Variants in PRRT4 observed in about 807,000 individuals in gnomAD.
The protein encoded by PRRT4 is proline-rich transmembrane protein 4.
Under a neutral mutation model 55.6 loss-of-function variants are expected in PRRT4, and 59 were observed. The observed-to-expected ratio is 1.06, with a 90% CI of 0.86 to 1.32. The LOEUF is 1.32. PRRT4 is among the 40% of genes most tolerant of loss of function. The pLI is 0.00. For synonymous variants in PRRT4, 606 were observed against 601.8 expected (o/e 1.01, Z -0.10); for missense variants, 1,217 against 1,222.0 (o/e 1.00, Z 0.06).
Position 128,358,514 on chromosome 7 carries a change from A to T in PRRT4, c.877+167T>A, listed in dbSNP as rs947975688. 1.3e-5 allele frequency among the ~76,000 whole-genome samples: 2 copies of T among 152,212 alleles called. No individual in the cohort carries two copies. Among genetic ancestry groups the T allele is most frequent in the Admixed American group, 1.3e-4 (2 of 15,280 alleles). On this transcript the variant is annotated intron_variant, in intron 4 of 4. Transcript: ENST00000535159. This position sits in a 1 kb window ranked among gnomAD's most constrained non-coding sequence, Gnocchi z 4.4. The stretch of plus-strand genomic sequence containing the variant: ...TCTGTGTGGGACTTTCTCCAGCAAT[A>T]CTTTCTCTCAGACCATTCATATATA...
At position 128,359,259 on chromosome 7, in the gene PRRT4, A is replaced by C; in HGVS notation, c.653-6T>G. 9 of 1,549,130 alleles carry C rather than the reference A, an allele frequency of 5.8e-6. No individual in the cohort carries two copies. Among genetic ancestry groups the C allele is most frequent in the Non-Finnish European group, 7.9e-6 (9 of 1,146,048 alleles). On this transcript the variant is annotated splice_polypyrimidine_tract_variant and splice_region_variant and intron_variant, in intron 2 of 4. Transcript: ENST00000535159. ...CAGAGTAGTGCCAAAGAATCCTGCAAAAGAAGCCCAGGCTGAAGCTGCCTC... is the reference window on the plus strand; with the variant it reads ...CAGAGTAGTGCCAAAGAATCCTGCACAAGAAGCCCAGGCTGAAGCTGCCTC...
chr7:128,353,916 A>G (rs180796748), intron 4 of PRRT4, among the ~76,000 whole-genome samples: 3 of 151,968 alleles, frequency 2.0e-5, no homozygotes, highest in East Asian at 3.9e-4. Context: ...CCTTAATTCT[A>G]CTCTTCTGGA....
At chr7:128,354,071 G>T (rs1402393061) in intron 4 of PRRT4, among the ~76,000 whole-genome samples, 3 of 152,198 alleles carry the variant, frequency 2.0e-5, no homozygotes, top group African/African-American at 7.2e-5. Flanking sequence ...GAAGAAGAAA[G>T]GGTGGCGAAG....
chr7:128,359,949 C>G lies in PRRT4; in HGVS notation c.43G>C (p.Val15Leu), dbSNP rs375091041. The change falls in exon 2 of 5, where the codon GTC (valine) becomes CTC (leucine). Residue 15 changes from valine to leucine, a missense_variant. By Grantham distance (32) the Val-to-Leu change is conservative (BLOSUM62 1). Around this residue, in one of 3 missense-constraint regions of PRRT4, gnomAD observed 564 missense variants for 592.9 expected, o/e 0.95. Transcript: ENST00000535159. ...GGGCCCACAGTAGCAGCAAACAGGA[C>G]GCAGCAGAACAGTCCCAGCCCTAGA... 3.5e-6 allele frequency: 5 copies of G among 1,439,542 alleles called. No individual in the cohort carries two copies. The South Asian group carries it at 7.6e-5, about 22-fold the overall frequency. 89.2% of individuals were successfully genotyped at this position (1,439,542 alleles called of 1,614,324 possible). A position where few individuals can be genotyped will look rare whatever the true frequency, so the allele number is the denominator to read the frequency against.
intron 4 of PRRT4, among the ~76,000 whole-genome samples, chr7:128,355,110 A>G (rs1271361928): frequency 6.6e-6 from 1 of 152,244 alleles, no homozygotes; most frequent in African/African-American, 2.4e-5. Context: ...ACTTGCGTAG[A>G]AAGACAACGA....
Position 128,352,519 on chromosome 7 carries a change from AG to A in PRRT4, c.1036del (p.Leu346Ter). 1 of 1,543,424 alleles carries A rather than the reference AG, an allele frequency of 6.5e-7. No individual in the cohort carries two copies. Among genetic ancestry groups the A allele is most frequent in the South Asian group, 1.2e-5 (1 of 84,058 alleles). On this transcript the variant is annotated frameshift_variant, in exon 5 of 5. Transcript: ENST00000535159. LOFTEE classifies it high-confidence loss of function. ...CTCTGCCCAGTCGGCCTCCAGGGTCAGGAAAAAGAGGGGCCTCGGCGCCTCG... is the reference window on the plus strand; with the variant it reads ...CTCTGCCCAGTCGGCCTCCAGGGTCAGAAAAAGAGGGGCCTCGGCGCCTCG...
chr7:128,359,983 C>G, exon 2 of PRRT4: 3 of 1,321,418 alleles, frequency 2.3e-6, no homozygotes, highest in Non-Finnish European at 2.9e-6. Flanking sequence ...GACAGCCATG[C>G]CTGGCCATGG....
chr7:128,354,529 A>AC (rs1246977076), intron 4 of PRRT4, among the ~76,000 whole-genome samples: 1 of 151,580 alleles, frequency 6.6e-6, no homozygotes, highest in Non-Finnish European at 1.5e-5. Context: ...GCGCCTCTGC[A>AC]CTCCAGCCTG....
At chr7:128,354,219 G>A (rs575500848) in intron 4 of PRRT4, among the ~76,000 whole-genome samples, 49 of 152,274 alleles carry the variant, frequency 3.2e-4, no homozygotes, top group African/African-American at 1.2e-3. Flanking sequence ...AAGACCCCAG[G>A]AGCACCCCCA....
rs1327463860 is a variant in PRRT4, at chr7:128,359,464, C to T, written c.528G>A (p.Leu176=). 2.7e-6 allele frequency: 4 copies of T among 1,462,730 alleles called. No individual in the cohort carries two copies. In the East Asian group the frequency reaches 9.9e-5, roughly 36 times the overall value. 90.6% of individuals were successfully genotyped at this position (1,462,730 alleles called of 1,614,324 possible). The change falls in exon 2 of 5, where the codon CTG becomes CTA. Residue 176 remains leucine, a synonymous_variant. Coordinates refer to ENST00000535159, the Ensembl canonical transcript of PRRT4. ...TCAGTGCCATGTCAAACTTCAGCTCCAGCTCGCTCTGGTGGGGCCTGGGAG... is the reference window on the plus strand; with the variant it reads ...TCAGTGCCATGTCAAACTTCAGCTCTAGCTCGCTCTGGTGGGGCCTGGGAG...
chr7:128,358,826 A>G lies in PRRT4; in HGVS notation c.758-26T>C. 1 of 1,506,150 alleles carries G rather than the reference A, an allele frequency of 6.6e-7. No individual in the cohort carries two copies. Among genetic ancestry groups the G allele is most frequent in the Non-Finnish European group, 8.9e-7 (1 of 1,129,208 alleles). 93.3% of individuals were successfully genotyped at this position (1,506,150 alleles called of 1,614,324 possible). A position where few individuals can be genotyped will look rare whatever the true frequency, so the allele number is the denominator to read the frequency against. The stretch of plus-strand genomic sequence containing the variant: ...CTGCAAAGGGAGCACATGGGGCTCA[A>G]GTGCCACCCCACCAACCAGCCTTGC... On this transcript the variant is annotated intron_variant, in intron 3 of 4. Transcript: ENST00000535159. This position sits in a 1 kb window ranked among gnomAD's most constrained non-coding sequence, Gnocchi z 4.4.
intron 4 of PRRT4, among the ~76,000 whole-genome samples, chr7:128,353,743 T>A (rs963100065): frequency 2.0e-5 from 3 of 152,110 alleles, no homozygotes; most frequent in Admixed American, 2.0e-4. Flanking sequence ...AGGGAGAAAC[T>A]CTTGGGGACA....
chr7:128,359,239 T>C, exon 3 of PRRT4: 7 of 1,550,750 alleles, frequency 4.5e-6, no homozygotes, highest in Non-Finnish European at 5.2e-6. Flanking sequence ...GGGGACAGAG[T>C]AGTGCCAAAG....
chr7:128,352,758 A>G, intron 4 of PRRT4, 80 bp from the exon 6 acceptor site: 2 of 1,319,024 alleles, frequency 1.5e-6, no homozygotes, highest in Admixed American at 2.6e-5. Context: ...CCTGAATGCC[A>G]GTCAGAGTCC....
chr7:128,359,735 C>T (rs1584688815), exon 2 of PRRT4: 2 of 1,551,490 alleles, frequency 1.3e-6, no homozygotes, highest in Non-Finnish European at 1.7e-6. Flanking sequence ...CACCTCTTCC[C>T]CTGGCTCCTG....
chr7:128,351,321 G>A, exon 5 of PRRT4: 1 of 1,545,774 alleles, frequency 6.5e-7, no homozygotes, highest in African/African-American at 1.4e-5. Flanking sequence ...CCTGGAAGAG[G>A]CCAGGCGCAA....
At position 128,358,065 on chromosome 7, in the gene PRRT4, G is replaced by A. The variant is rs1476863408; in HGVS notation, c.877+616C>T. ...GTCTATGAGAAAATTTAGGTTCAGA[G>A]AGGTTAAATAACGTGCCTAAAGTCA... On this transcript the variant is annotated intron_variant, in intron 4 of 4. Coordinates refer to ENST00000535159, the Ensembl canonical transcript of PRRT4. This position sits in a 1 kb window ranked among gnomAD's most constrained non-coding sequence, Gnocchi z 4.4. 6.6e-6 allele frequency among the ~76,000 whole-genome samples: 1 copy of A among 152,232 alleles called. No homozygotes were observed. The highest frequency in any genetic ancestry group is 6.5e-5 in the Admixed American group (1 of 15,284).
At chr7:128,351,489 G>C in exon 5 of PRRT4, 1 of 1,518,764 alleles carries the variant, frequency 6.6e-7, no homozygotes, top group Non-Finnish European at 8.8e-7. Flanking sequence ...CTCCGCCCTG[G>C]AGTAGGAGGT....
intron 4 of PRRT4, among the ~76,000 whole-genome samples, chr7:128,353,370 G>A (rs1797042647): frequency 6.6e-6 from 1 of 151,918 alleles, no homozygotes; most frequent in South Asian, 2.1e-4. Flanking sequence ...TTAGTGCTAG[G>A]AGGAGCTTCC....
Sources: gnomAD v4.1 joint callset for allele counts (sites outside exome capture counted in the v4.1 genomes callset) on GRCh38, gnomAD v4.1.1 for gene constraint, gnomAD v4.1.1 regional missense constraint, Gnocchi (gnomAD v3.1) non-coding constraint, MANE v1.5 for transcripts, NCBI Gene and HGNC (gene_info 2026-07-23, HGNC 2026-07-21) for gene names.